ZNF197: variants seen among roughly 807,000 people sequenced by gnomAD.
The protein encoded by ZNF197 is zinc finger protein 197.
In ZNF197, 14 loss-of-function variants were observed where a neutral mutation model predicts 27.4. The ratio of observed to expected loss-of-function variants is 0.51; its 90% CI spans 0.34 to 0.80. The LOEUF (loss-of-function observed/expected upper bound fraction) is 0.80, where lower values mean the gene tolerates loss of function less well. Ranked by LOEUF, ZNF197 falls within the 30% of genes least tolerant of loss-of-function variation. ZNF197 has a pLI of 0.02. For missense variants in ZNF197, 1,090 were observed against 1,222.6 expected (o/e 0.89, Z 1.62); for synonymous variants, 415 against 420.0 (o/e 0.99, Z 0.15).
Position 44,644,421 on chromosome 3 carries a change from C to T in ZNF197, c.*201C>T. 1.6e-6 allele frequency: 2 copies of T among 1,252,808 alleles called. No homozygotes were observed. The highest frequency in any genetic ancestry group is 2.0e-6 in the Non-Finnish European group (2 of 982,062). 77.6% of individuals were successfully genotyped at this position (1,252,808 alleles called of 1,614,324 possible). On this transcript the variant is annotated 3_prime_UTR_variant, in exon 6 of 6. Transcript: ENST00000344387. ...TGAGAGGCCGAAGCGAGTGGATCAC[C>T]TGAGGTCAGGATTTTGAGACCAGCC... is the stretch of plus-strand genomic sequence containing the variant.
intron 1 of ZNF197, among the ~76,000 whole-genome samples, chr3:44,625,545 ATTTT>A (rs531274203): frequency 9.1e-4 from 138 of 151,980 alleles, no homozygotes; most frequent in Admixed American, 5.2e-3. Context: ...TTGAGGACGG[ATTTT>A]TTTGTTTGTT....
Position 44,646,349 on chromosome 3 carries a change from T to A in ZNF197, c.*2129T>A. On this transcript the variant is annotated 3_prime_UTR_variant, in exon 6 of 6. Coordinates refer to ENST00000344387, the MANE Select transcript of ZNF197 (RefSeq NM_006991.5). ...TATGTACTTTAACAATGGAGAATGCTGTGATTTACCTCTTCACCGAGTAAC... is the reference window on the plus strand; with the variant it reads ...TATGTACTTTAACAATGGAGAATGCAGTGATTTACCTCTTCACCGAGTAAC... 4.7e-6 allele frequency: 7 copies of A among 1,500,582 alleles called. No individual in the cohort carries two copies. Among genetic ancestry groups the A allele is most frequent in the Non-Finnish European group, 6.2e-6 (7 of 1,125,974 alleles). The allele number at this position is 1,500,582 out of a possible 1,614,324, so 93.0% of individuals were successfully genotyped here.
chr3:44,627,303 C>T (rs181790913), intron 1 of ZNF197, among the ~76,000 whole-genome samples: 2 of 152,282 alleles, frequency 1.3e-5, no homozygotes, highest in Non-Finnish European at 2.9e-5. Flanking sequence ...ACTTACAGGA[C>T]AGGATCATCT....
At chr3:44,633,819 T>C (rs1444604379) in intron 5 of ZNF197, among the ~76,000 whole-genome samples, 1 of 152,220 alleles carries the variant, frequency 6.6e-6, no homozygotes, top group Non-Finnish European at 1.5e-5. Context: ...ATTTATTCTT[T>C]GGAATTGGAG....
Position 44,643,270 on chromosome 3 carries a change from A to G in ZNF197, c.2140A>G (p.Thr714Ala). Residue 714 changes from threonine to alanine, a missense_variant, in exon 6 of 6, where the codon ACC (threonine) becomes GCC (alanine). Coordinates refer to ENST00000344387, the MANE Select transcript of ZNF197 (RefSeq NM_006991.5). ...ATATGAATGTCGAGAGTGTGGGAAAACCTTTATTATGAGCAAAAGTTTTAT... is the reference window on the plus strand; with the variant it reads ...ATATGAATGTCGAGAGTGTGGGAAAGCCTTTATTATGAGCAAAAGTTTTAT... ...KPYECRECGKTFIMSKSFMVH... is the reference protein window; with the variant it reads ...KPYECRECGKAFIMSKSFMVH... The G allele has an allele frequency of 1.2e-6, 2 of 1,614,096 alleles. No individual in the cohort carries two copies. Among genetic ancestry groups the G allele is most frequent in the African/African-American group, 2.7e-5 (2 of 75,036 alleles).
At chr3:44,628,694 C>T (rs924276767) in intron 1 of ZNF197, among the ~76,000 whole-genome samples, 1 of 152,172 alleles carries the variant, frequency 6.6e-6, no homozygotes, top group Non-Finnish European at 1.5e-5. Context: ...AAGGTAGGAA[C>T]TGTTACTATC....
Position 44,643,748 on chromosome 3 carries a change from C to A in ZNF197, c.2618C>A (p.Thr873Asn). The change falls in exon 6 of 6, where the codon ACC (threonine) becomes AAC (asparagine). Residue 873 changes from threonine to asparagine, a missense_variant. Physicochemically the swap from Thr to Asn is moderately conservative, Grantham distance 65. Coordinates refer to ENST00000344387, the MANE Select transcript of ZNF197 (RefSeq NM_006991.5). ...EHQRIHSGEKTYECHVCRKVL... is the reference protein window; with the variant it reads ...EHQRIHSGEKNYECHVCRKVL... ...CAAAGAATTCACAGTGGAGAAAAAA[C>A]CTACGAATGTCATGTATGTAGGAAA... 2 of 1,613,996 alleles carry A rather than the reference C, an allele frequency of 1.2e-6. No homozygotes were observed. Among genetic ancestry groups the A allele is most frequent in the Non-Finnish European group, 1.7e-6 (2 of 1,180,008 alleles).
chr3:44,646,327 G>C lies in ZNF197; in HGVS notation c.*2107G>C, dbSNP rs1465041097. On this transcript the variant is annotated 3_prime_UTR_variant, in exon 6 of 6. Transcript: ENST00000344387. ...TATATAATAATTACAAAGGACATAT[G>C]TACTTTAACAATGGAGAATGCTGTG... is the stretch of plus-strand genomic sequence containing the variant. 2.0e-6 allele frequency: 2 copies of C among 985,320 alleles called. No individual in the cohort carries two copies. The highest frequency in any genetic ancestry group is 6.2e-5 in the Admixed American group (1 of 16,258). The allele number at this position is 985,320 out of a possible 1,614,324, so 61.0% of individuals were successfully genotyped here. A position where few individuals can be genotyped will look rare whatever the true frequency, so the allele number is the denominator to read the frequency against.
Position 44,643,789 on chromosome 3 carries a change from A to G in ZNF197, c.2659A>G (p.Arg887Gly). Reference protein sequence around the residue: ...HVCRKVLTSSRNLMVHQRIHT... With the variant: ...HVCRKVLTSSGNLMVHQRIHT... ...ATGTAGGAAAGTCCTTACCTCTAGT[A>G]GAAATCTTATGGTACATCAAAGAAT... The change falls in exon 6 of 6, where the codon AGA becomes GGA. Residue 887 changes from arginine (R) to glycine (G), a missense_variant. Physicochemically the swap from Arg to Gly is moderately radical, Grantham distance 125. Coordinates refer to ENST00000344387, the MANE Select transcript of ZNF197 (RefSeq NM_006991.5). The G allele has an allele frequency of 6.2e-7, 1 of 1,614,048 alleles. No individual in the cohort carries two copies.
chr3:44,629,934 C>A (rs1701889394), intron 2 of ZNF197, among the ~76,000 whole-genome samples: 1 of 152,152 alleles, frequency 6.6e-6, no homozygotes, highest in South Asian at 2.1e-4. Context: ...GTATAAAAGG[C>A]AATAGCAGGC....
rs1386160356 is a variant in ZNF197, at chr3:44,645,988, G to GT, written c.*1774dup. On this transcript the variant is annotated 3_prime_UTR_variant, in exon 6 of 6. Coordinates refer to ENST00000344387, the MANE Select transcript of ZNF197 (RefSeq NM_006991.5). ...AATAATACCTGAATATGAAGATTGT[G>GT]TTTTTTAATAATGTCAAAGTGGTGT... is the stretch of plus-strand genomic sequence containing the variant. 1.2e-5 allele frequency: 12 copies of GT among 985,290 alleles called. No homozygotes were observed. Among genetic ancestry groups the GT allele is most frequent in the African/African-American group, 3.5e-5 (2 of 57,228 alleles). The allele number at this position is 985,290 out of a possible 1,614,324, so 61.0% of individuals were successfully genotyped here. A position where few individuals can be genotyped will look rare whatever the true frequency, so the allele number is the denominator to read the frequency against.
At chr3:44,641,022 C>G (rs943947031) in intron 5 of ZNF197, among the ~76,000 whole-genome samples, 3 of 152,190 alleles carry the variant, frequency 2.0e-5, no homozygotes, top group Admixed American at 6.5e-5. Flanking sequence ...CTGCTATTCA[C>G]ATAACTTTAC....
In ZNF197 at chr3:44,645,984, T is replaced by G; in HGVS notation, c.*1764T>G. On this transcript the variant is annotated 3_prime_UTR_variant, in exon 6 of 6. Coordinates refer to ENST00000344387, the MANE Select transcript of ZNF197 (RefSeq NM_006991.5). ...TATGAATAATACCTGAATATGAAGA[T>G]TGTGTTTTTTAATAATGTCAAAGTG... 5.1e-6 allele frequency: 5 copies of G among 985,434 alleles called. No homozygotes were observed. Among genetic ancestry groups the G allele is most frequent in the Non-Finnish European group, 6.0e-6 (5 of 829,922 alleles). 61.0% of individuals were successfully genotyped at this position (985,434 alleles called of 1,614,324 possible).
Position 44,643,058 on chromosome 3 carries a change from T to A in ZNF197, c.1928T>A (p.Leu643His), listed in dbSNP as rs1321041933. The change falls in exon 6 of 6, where the codon CTC becomes CAC. Residue 643 changes from leucine (L) to histidine (H), a missense_variant. Leu to His is a moderately conservative substitution (Grantham distance 99). Coordinates refer to ENST00000344387, the MANE Select transcript of ZNF197 (RefSeq NM_006991.5). ...GCTTACCTTTTTGACCACCAGAGAC[T>A]CCACAATGGGGAGAAGCCCTATGAA... ...QSAYLFDHQR[L>H]HNGEKPYECN... 6.2e-7 allele frequency: 1 copy of A among 1,614,046 alleles called. No homozygotes were observed. The highest frequency in any genetic ancestry group is 8.5e-7 in the Non-Finnish European group (1 of 1,179,990).
Position 44,637,872 on chromosome 3 carries a change from A to G in ZNF197, c.770-4028A>G, listed in dbSNP as rs540775860. Among the ~76,000 whole-genome samples the G allele has an allele frequency of 5.6e-4, 86 of 152,344 alleles. 1 individual carries two copies. In the South Asian group the frequency reaches 0.016, roughly 28 times the overall value. ...TCTTTTACTATTTTGGCTTCATGGT[A>G]CATTTTGAAATAAAAAGGTGTGAGT... On this transcript the variant is annotated intron_variant, in intron 5 of 5. Coordinates refer to ENST00000344387, the MANE Select transcript of ZNF197 (RefSeq NM_006991.5).
At chr3:44,630,793 C>T in intron 2 of ZNF197, 1 of 607,078 alleles carries the variant, frequency 1.6e-6, no homozygotes, top group Non-Finnish European at 3.1e-6. Context: ...ACTTCCCATT[C>T]CCTCCTTAAC....
In ZNF197 at chr3:44,642,209, G is replaced by A; in HGVS notation, c.1079G>A (p.Ser360Asn). 1.9e-6 allele frequency: 3 copies of A among 1,614,142 alleles called. No homozygotes were observed. Among genetic ancestry groups the A allele is most frequent in the Non-Finnish European group, 2.5e-6 (3 of 1,180,008 alleles). Residue 360 changes from serine to asparagine, a missense_variant, in exon 6 of 6, where the codon AGT (serine) becomes AAT (asparagine). Ser to Asn is a conservative substitution (Grantham distance 46, BLOSUM62 1). Transcript: ENST00000344387. ...ACTTTCGGTTCAGCTATTTCTGAAA[G>A]TTTAATAGGTACTGAAGGAAAGAAG... ...SLTFGSAISE[S>N]LIGTEGKKFY...
At chr3:44,632,232 A>G (rs1424733704) in intron 4 of ZNF197, 36 bp downstream of exon 4, 7 of 1,608,462 alleles carry the variant, frequency 4.4e-6, no homozygotes, top group Middle Eastern at 1.6e-4. Flanking sequence ...CCATCTGCAC[A>G]GCGTAACTGT....
intron 5 of ZNF197, 117 bp from the exon 6 acceptor site, chr3:44,641,783 C>G: frequency 8.3e-7 from 1 of 1,202,970 alleles, no homozygotes; most frequent in Non-Finnish European, 1.1e-6. Context: ...AAAAGTTTCT[C>G]CTTTTTGTAT....
Sources: allele counts gnomAD v4.1 joint callset (sites outside exome capture counted in the v4.1 genomes callset), GRCh38; gene constraint gnomAD v4.1.1; transcripts MANE v1.5; gene names NCBI Gene and HGNC (gene_info 2026-07-23, HGNC 2026-07-21).